VTI1A: variants seen among roughly 807,000 people sequenced by gnomAD.
The protein encoded by VTI1A is vesicle transport through interaction with t-SNAREs 1A.
VTI1A carries 22 observed loss-of-function variants against 34.9 expected under a neutral mutation model. The ratio of observed to expected loss-of-function variants is 0.63; its 90% CI spans 0.45 to 0.90. The LOEUF is 0.90. Ranked by LOEUF, VTI1A falls within the 40% of genes least tolerant of loss-of-function variation. The pLI, the probability that VTI1A is intolerant of heterozygous loss-of-function variation, is 0.00. For missense variants in VTI1A, 268 were observed against 275.6 expected (o/e 0.97, Z 0.20); for synonymous variants, 87 against 97.3 (o/e 0.89, Z 0.62).
At chr10:112,830,822 C>CATATATATATATATAT in the VTI1A span, among the ~76,000 whole-genome samples, 46 of 54,698 alleles carry the variant, frequency 8.4e-4, 2 homozygotes, top group East Asian at 3.9e-3. Flanking sequence ...CTAAAACCCT[C>CATATATATATATATAT]ATATATATAT....
chr10:112,672,328 T>C (rs772015733), intron 7 of VTI1A, among the ~76,000 whole-genome samples: 1 of 152,212 alleles, frequency 6.6e-6, no homozygotes, highest in Non-Finnish European at 1.5e-5. Flanking sequence ...AAGCATGCCA[T>C]GTTACCAAAA....
chr10:112,649,751 G>C (rs1285396991), intron 5 of VTI1A, among the ~76,000 whole-genome samples: 1 of 152,172 alleles, frequency 6.6e-6, no homozygotes, highest in Non-Finnish European at 1.5e-5. Context: ...TAATGGTCTA[G>C]CTTATTGCTC....
chr10:112,454,512 G>C (rs570599834), intron 1 of VTI1A, among the ~76,000 whole-genome samples: 1 of 152,142 alleles, frequency 6.6e-6, no homozygotes, highest in Non-Finnish European at 1.5e-5. Flanking sequence ...TGAGATGGGA[G>C]GACACCTTGA....
chr10:112,576,900 A>G (rs1461799140), intron 5 of VTI1A, among the ~76,000 whole-genome samples: 2 of 152,210 alleles, frequency 1.3e-5, no homozygotes, highest in African/African-American at 2.4e-5. Flanking sequence ...ATGAAACAAT[A>G]CTTAGCCTTG....
At chr10:112,806,875 A>G (rs910182617) in intron 7 of VTI1A, among the ~76,000 whole-genome samples, 1 of 152,214 alleles carries the variant, frequency 6.6e-6, no homozygotes, top group South Asian at 2.1e-4. Flanking sequence ...GCATGAGCCA[A>G]TGTACCTGGC....
chr10:112,616,178 A>G (rs1845506918), intron 5 of VTI1A, among the ~76,000 whole-genome samples: 1 of 152,226 alleles, frequency 6.6e-6, no homozygotes. Context: ...ATGAGAATAG[A>G]GAGCAGTGAT....
chr10:112,636,202 C>T (rs977259215), intron 5 of VTI1A, among the ~76,000 whole-genome samples: 5 of 152,208 alleles, frequency 3.3e-5, no homozygotes, highest in Non-Finnish European at 5.9e-5. Flanking sequence ...TCTTTCACTA[C>T]AAACTTTGCC....
chr10:112,598,662 A>G (rs1018662100), intron 5 of VTI1A, among the ~76,000 whole-genome samples: 2 of 152,214 alleles, frequency 1.3e-5, no homozygotes, highest in Non-Finnish European at 2.9e-5. Flanking sequence ...AGGATACATC[A>G]AAGACCCAAA....
chr10:112,558,700 A>G (rs977949824), intron 5 of VTI1A, among the ~76,000 whole-genome samples: 3 of 152,190 alleles, frequency 2.0e-5, no homozygotes, highest in Non-Finnish European at 4.4e-5. Flanking sequence ...AGATAAGCTG[A>G]TTAGGTCCTG....
At chr10:112,635,531 A>G (rs971939881) in intron 5 of VTI1A, among the ~76,000 whole-genome samples, 7 of 152,170 alleles carry the variant, frequency 4.6e-5, no homozygotes, top group African/African-American at 1.4e-4. Context: ...CTTGGTGAGC[A>G]TGGCCAGAGT....
At chr10:112,464,881 G>T in intron 3 of VTI1A, 1 of 553,858 alleles carries the variant, frequency 1.8e-6, no homozygotes, top group South Asian at 2.3e-5. Context: ...CAAATCATGC[G>T]GCCCTTTGAG....
chr10:112,500,468 A>G (rs1849193024), intron 3 of VTI1A, among the ~76,000 whole-genome samples: 2 of 152,110 alleles, frequency 1.3e-5, no homozygotes, highest in African/African-American at 2.4e-5. Flanking sequence ...GAAAAAAAAA[A>G]GAAAATTGTT....
intron 5 of VTI1A, among the ~76,000 whole-genome samples, chr10:112,608,940 G>A (rs1302670078): frequency 6.6e-6 from 1 of 152,098 alleles, no homozygotes; most frequent in African/African-American, 2.4e-5. Flanking sequence ...ATGAGATGTA[G>A]CAGCTTTTGC....
At position 112,461,573 on chromosome 10, in the gene VTI1A, C is replaced by G. The variant is rs558757428; in HGVS notation, c.153+991C>G. 5.9e-5 allele frequency among the ~76,000 whole-genome samples: 9 copies of G among 152,286 alleles called. No individual in the cohort carries two copies. The South Asian group carries it at 6.2e-4, about 11-fold the overall frequency. ...ACTCAGAGCTCTGGTTCATCTACTA[C>G]TTTTTTATATAAATACATCAGTAAA... On this transcript the variant is annotated intron_variant, in intron 2 of 7. Coordinates refer to ENST00000393077, the MANE Select transcript of VTI1A (RefSeq NM_145206.4).
At chr10:112,797,846 CTG>C (rs1852724668) in intron 7 of VTI1A, among the ~76,000 whole-genome samples, 1 of 152,210 alleles carries the variant, frequency 6.6e-6, no homozygotes, top group Non-Finnish European at 1.5e-5. Flanking sequence ...AGTACACAAA[CTG>C]TGGAATCGCC....
chr10:112,820,286 A>AAAGG (rs1210735713), downstream of VTI1A, among the ~76,000 whole-genome samples: 2 of 152,106 alleles, frequency 1.3e-5, no homozygotes, highest in Non-Finnish European at 2.9e-5. Flanking sequence ...AGGAAGGAAG[A>AAAGG]AAGGAAGGAA....
At chr10:112,551,227 C>G (rs1364761790) in intron 5 of VTI1A, among the ~76,000 whole-genome samples, 1 of 118,270 alleles carries the variant, frequency 8.5e-6, no homozygotes, top group Admixed American at 1.2e-4. Flanking sequence ...CTGGGCGGCA[C>G]AGCGATACTC....
At chr10:112,535,366 T>C (rs1850581627) in intron 4 of VTI1A, among the ~76,000 whole-genome samples, 1 of 152,178 alleles carries the variant, frequency 6.6e-6, no homozygotes, top group Non-Finnish European at 1.5e-5. Context: ...TATTTCTCAG[T>C]TGGGATTCTA....
intron 7 of VTI1A, among the ~76,000 whole-genome samples, chr10:112,746,777 G>A (rs1385314715): frequency 1.3e-5 from 2 of 152,154 alleles, no homozygotes; most frequent in African/African-American, 4.8e-5. Context: ...CTGCTATCAC[G>A]GCTGATGGAT....
Sources: allele counts gnomAD v4.1 joint callset (sites outside exome capture counted in the v4.1 genomes callset), GRCh38; gene constraint gnomAD v4.1.1; transcripts MANE v1.5; gene names NCBI Gene and HGNC (gene_info 2026-07-23, HGNC 2026-07-21).